GRID2: variants seen among roughly 807,000 people sequenced by gnomAD.
The protein encoded by GRID2 is glutamate receptor ionotropic, delta-2.
A neutral mutation model predicts 114.8 loss-of-function variants in GRID2; 33 were observed. The ratio of observed to expected loss-of-function variants is 0.29; its 90% CI spans 0.22 to 0.38. The LOEUF is 0.38. Among genes scored for constraint, GRID2 ranks in the 10% least tolerant of loss-of-function variants. The pLI is 1.00. For synonymous variants in GRID2, 505 were observed against 449.9 expected (o/e 1.12, Z -1.55); for missense variants, 1,184 against 1,257.7 (o/e 0.94, Z 0.89).
chr4:93,560,705 C>T (rs1177260998), intron 13 of GRID2, among the ~76,000 whole-genome samples: 2 of 152,084 alleles, frequency 1.3e-5, no homozygotes, highest in African/African-American at 4.8e-5. Flanking sequence ...GTCTCAGATT[C>T]CTGGCCTCAA....
At chr4:93,058,866 A>G (rs1727512768) in intron 2 of GRID2, among the ~76,000 whole-genome samples, 3 of 152,058 alleles carry the variant, frequency 2.0e-5, no homozygotes, top group South Asian at 4.1e-4. Flanking sequence ...CAATTTCAGT[A>G]TATTAAAATA....
At chr4:92,666,670 TCAGATC>T (rs1732802475) in intron 2 of GRID2, among the ~76,000 whole-genome samples, 5 of 133,002 alleles carry the variant, frequency 3.8e-5, no homozygotes, top group East Asian at 2.0e-4. Context: ...TTTTTTTTTT[TCAGATC>T]TTTTCTGAGC....
rs536160632 is a variant in GRID2 at position 92,407,081 on chromosome 4, T to C, written c.88+102337T>C. ...GCACCTCTTACATGGTGGCAGGAGA[T>C]AGAGAGAGAGAGAGAGTGCGTGTCA... On this transcript the variant is annotated intron_variant, in intron 1 of 15. Transcript: ENST00000282020. 3.2e-3 allele frequency among the ~76,000 whole-genome samples: 482 copies of C among 150,310 alleles called. 4 individuals are homozygous for C. Among genetic ancestry groups the C allele is most frequent in the African/African-American group, 0.011 (445 of 41,060 alleles).
At chr4:92,623,677 T>C (rs1274654794) in intron 2 of GRID2, among the ~76,000 whole-genome samples, 1 of 151,754 alleles carries the variant, frequency 6.6e-6, no homozygotes, top group African/African-American at 2.4e-5. Context: ...TTTTTATTTC[T>C]GCTATGATTA....
intron 8 of GRID2, among the ~76,000 whole-genome samples, chr4:93,391,929 AT>A (rs1485209946): frequency 6.6e-6 from 1 of 152,186 alleles, no homozygotes; most frequent in Non-Finnish European, 1.5e-5. Flanking sequence ...AGCACTAGGC[AT>A]TTTAAGGTCT....
chr4:93,418,260 C>T (rs1016465250), intron 9 of GRID2, among the ~76,000 whole-genome samples: 1 of 151,712 alleles, frequency 6.6e-6, no homozygotes, highest in African/African-American at 2.4e-5. Flanking sequence ...TCTATTTATT[C>T]TTGCTTTAGG....
chr4:93,230,307 A>G (rs1745977165), intron 7 of GRID2, among the ~76,000 whole-genome samples: 1 of 152,000 alleles, frequency 6.6e-6, no homozygotes, highest in Admixed American at 6.6e-5. Flanking sequence ...GTTCTCTTGT[A>G]TTTTTCAAAT....
intron 12 of GRID2, among the ~76,000 whole-genome samples, chr4:93,507,784 G>A (rs985287295): frequency 1.3e-5 from 2 of 152,094 alleles, no homozygotes; most frequent in African/African-American, 2.4e-5. Context: ...TTTGAAATAC[G>A]TTTTTTGGTC....
chr4:92,514,991 C>CA (rs1487906950), intron 1 of GRID2, among the ~76,000 whole-genome samples: 1 of 151,852 alleles, frequency 6.6e-6, no homozygotes, highest in African/African-American at 2.4e-5. Flanking sequence ...ATCAGGTCTC[C>CA]ATCCAGCAGC....
At chr4:92,379,251 T>A (rs1398404709) in intron 1 of GRID2, among the ~76,000 whole-genome samples, 5 of 151,964 alleles carry the variant, frequency 3.3e-5, no homozygotes, top group Non-Finnish European at 7.4e-5. Context: ...TTTAGAGTGT[T>A]CTCCATTTAT....
At chr4:93,519,216 A>G (rs567453694) in intron 13 of GRID2, among the ~76,000 whole-genome samples, 1 of 152,224 alleles carries the variant, frequency 6.6e-6, no homozygotes, top group South Asian at 2.1e-4. Flanking sequence ...TTTGAACTGA[A>G]GAGCAACATG....
At chr4:93,182,887 A>C (rs2149437500) in intron 4 of GRID2, among the ~76,000 whole-genome samples, 1 of 152,310 alleles carries the variant, frequency 6.6e-6, no homozygotes, top group South Asian at 2.1e-4. Flanking sequence ...TTAGAAAGCA[A>C]ATTCTTGGGC....
intron 9 of GRID2, among the ~76,000 whole-genome samples, chr4:93,396,365 C>T (rs13328057): frequency 0.22 from 33,399 of 151,664 alleles, 5,486 homozygotes; most frequent in African/African-American, 0.46. Flanking sequence ...ATTCCAAGAC[C>T]CCCAGTGGAT....
At chr4:92,533,133 A>T (rs1230897652) in intron 1 of GRID2, among the ~76,000 whole-genome samples, 1 of 151,110 alleles carries the variant, frequency 6.6e-6, no homozygotes, top group African/African-American at 2.4e-5. Context: ...ATAAATATTC[A>T]TTGTCATGCC....
At chr4:93,490,544 T>C (rs553362523) in intron 11 of GRID2, 95 bp from the exon 12 acceptor site, 2 of 850,930 alleles carry the variant, frequency 2.4e-6, no homozygotes, top group African/African-American at 3.4e-5. Flanking sequence ...AAATTCTCAC[T>C]ACTTGCAAGT....
At chr4:93,489,862 G>T (rs138408843) in intron 11 of GRID2, among the ~76,000 whole-genome samples, 270 of 152,052 alleles carry the variant, frequency 1.8e-3, no homozygotes, top group Non-Finnish European at 3.0e-3. Flanking sequence ...AGTTAGAGAT[G>T]CATATTGAAT....
chr4:93,139,847 A>G (rs1480954419), intron 4 of GRID2, among the ~76,000 whole-genome samples: 2 of 152,120 alleles, frequency 1.3e-5, no homozygotes, highest in African/African-American at 4.8e-5. Flanking sequence ...TATAATGGGA[A>G]ACTAAACATT....
chr4:92,433,482 G>C (rs1047457863), intron 1 of GRID2, among the ~76,000 whole-genome samples: 3 of 152,184 alleles, frequency 2.0e-5, no homozygotes, highest in Non-Finnish European at 4.4e-5. Flanking sequence ...TTCCTCTGTG[G>C]GTGCCAGCTG....
chr4:92,849,637 T>C (rs1421244323), intron 2 of GRID2, among the ~76,000 whole-genome samples: 1 of 151,926 alleles, frequency 6.6e-6, no homozygotes, highest in African/African-American at 2.4e-5. Flanking sequence ...ACTTATAACA[T>C]CTTTTCTTTT....
Sources: gnomAD v4.1 joint callset for allele counts (sites outside exome capture counted in the v4.1 genomes callset) on GRCh38, gnomAD v4.1.1 for gene constraint, MANE v1.5 for transcripts, NCBI Gene and HGNC (gene_info 2026-07-23, HGNC 2026-07-21) for gene names.